Variants in EVC2 observed in about 807,000 individuals in gnomAD.
EVC2 encodes limbin.
Under a neutral mutation model 149.3 loss-of-function variants are expected in EVC2, and 148 were observed. The observed-to-expected ratio is 0.99, with a 90% CI of 0.87 to 1.14. EVC2 has a LOEUF of 1.14. EVC2 is among the 50% of genes most tolerant of loss of function. EVC2 has a pLI of 0.00. For synonymous variants in EVC2, 776 were observed against 649.9 expected (o/e 1.19, Z -2.95); for missense variants, 1,854 against 1,627.3 (o/e 1.14, Z -2.40).
chr4:5,649,864 T>C (rs1048693298), intron 9 of EVC2, among the ~76,000 whole-genome samples: 1 of 137,454 alleles, frequency 7.3e-6, no homozygotes, highest in Non-Finnish European at 1.6e-5. Flanking sequence ...AAACTATCCA[T>C]TTGAAGGCAT....
At chr4:5,626,898 C>T (rs1716160634) in intron 12 of EVC2, among the ~76,000 whole-genome samples, 1 of 152,150 alleles carries the variant, frequency 6.6e-6, no homozygotes, top group South Asian at 2.1e-4. Flanking sequence ...GGTTCTCAGG[C>T]CTTCAGATTT....
In EVC2 at chr4:5,670,800, C is replaced by T. The variant is rs916220629; in HGVS notation, c.871-5151G>A. ...TCATTATCACCATCACCACCATGACCACCACCACCATTACCATAGCCACCA... is the reference window on the plus strand; with the variant it reads ...TCATTATCACCATCACCACCATGACTACCACCACCATTACCATAGCCACCA... On this transcript the variant is annotated intron_variant, in intron 7 of 21. Coordinates refer to ENST00000344408, the MANE Select transcript of EVC2 (RefSeq NM_147127.5). The surrounding 1 kb of genome is among the most constrained non-coding windows in gnomAD (Gnocchi z 5.2). Among the ~76,000 whole-genome samples, 9 of 152,028 alleles carry T rather than the reference C, an allele frequency of 5.9e-5. No individual in the cohort carries two copies. The highest frequency in any genetic ancestry group is 5.2e-4 in the Admixed American group (8 of 15,260).
At chr4:5,684,658 G>A (rs958113883) in intron 6 of EVC2, among the ~76,000 whole-genome samples, 6 of 152,242 alleles carry the variant, frequency 3.9e-5, no homozygotes, top group Admixed American at 1.3e-4. Context: ...GGCAGTGAGA[G>A]ATGGGGAGAC....
chr4:5,580,918 T>C (rs1161005699), intron 17 of EVC2, among the ~76,000 whole-genome samples: 4 of 152,128 alleles, frequency 2.6e-5, no homozygotes, highest in Admixed American at 2.6e-4. Flanking sequence ...GTTGATCTTA[T>C]GATAGTGAGT....
intron 16 of EVC2, among the ~76,000 whole-genome samples, chr4:5,601,995 C>G (rs1433682056): frequency 6.6e-6 from 1 of 152,102 alleles, no homozygotes; most frequent in African/African-American, 2.4e-5. Context: ...ATTAATAAAG[C>G]TGGGCATGGT....
In EVC2 at chr4:5,645,940, T is replaced by C. The variant is rs912121342; in HGVS notation, c.1146-5102A>G. ...CCAACACCTGTTTATTTTTTTATTT[T>C]TTCAGACAGAATCTCGCTCTTGTTG... On this transcript the variant is annotated intron_variant, in intron 9 of 21. Transcript: ENST00000344408. Among the ~76,000 whole-genome samples, 5 of 152,182 alleles carry C rather than the reference T, an allele frequency of 3.3e-5. 1 individual carries two copies. The East Asian group carries it at 7.7e-4, about 23-fold the overall frequency.
At chr4:5,702,499 TCCTC>T (rs1721890480) in intron 1 of EVC2, among the ~76,000 whole-genome samples, 4 of 152,146 alleles carry the variant, frequency 2.6e-5, no homozygotes, top group African/African-American at 7.2e-5. Flanking sequence ...CTCCACTGCC[TCCTC>T]CCCTTCTGAT....
intron 9 of EVC2, among the ~76,000 whole-genome samples, chr4:5,655,779 A>T (rs1718482310): frequency 7.4e-6 from 1 of 134,968 alleles, no homozygotes; most frequent in East Asian, 2.5e-4. Context: ...GGGAGGGAAG[A>T]AGAGAGGGAG....
In EVC2 at chr4:5,568,504, T is replaced by G; in HGVS notation, c.3497A>C (p.His1166Pro). 1 of 1,588,118 alleles carries G rather than the reference T, an allele frequency of 6.3e-7. No individual in the cohort carries two copies. The highest frequency in any genetic ancestry group is 8.5e-7 in the Non-Finnish European group (1 of 1,173,684). ...LALLDSATER[H>P]VDHAAESDGG... is the part of the protein sequence containing the mutation. ...ATCGCTCTCAGCTGCGTGGTCCACATGTCTCTCGGTGGCCGAATCCAGCAG... is the reference window on the plus strand; with the variant it reads ...ATCGCTCTCAGCTGCGTGGTCCACAGGTCTCTCGGTGGCCGAATCCAGCAG... Residue 1166 changes from histidine (H) to proline (P), a missense_variant, in exon 20 of 22, where the codon CAT (histidine) becomes CCT (proline). Physicochemically the swap from His to Pro is moderately conservative, Grantham distance 77. Transcript: ENST00000344408.
chr4:5,563,205 T>G, intron 21 of EVC2, 90 bp from the exon 22 acceptor site: 1 of 1,286,058 alleles, frequency 7.8e-7, no homozygotes, highest in Non-Finnish European at 1.1e-6. Context: ...CCTCCTTGGG[T>G]CCTGAATTCC....
chr4:5,665,497 C>T lies in EVC2; in HGVS notation c.1005+18G>A. On this transcript the variant is annotated intron_variant, in intron 8 of 21. Transcript: ENST00000344408. ...CTCACATTCACCACCTTCCAAACCA[C>T]CCTCAGGGAAGACTCACCCGATGTC... 3.1e-6 allele frequency: 5 copies of T among 1,613,978 alleles called. No individual in the cohort carries two copies. The highest frequency in any genetic ancestry group is 4.2e-6 in the Non-Finnish European group (5 of 1,179,982).
At chr4:5,575,324 T>C (rs1722859889) in intron 18 of EVC2, among the ~76,000 whole-genome samples, 2 of 152,190 alleles carry the variant, frequency 1.3e-5, no homozygotes, top group African/African-American at 4.8e-5. Flanking sequence ...AATCAAAAGT[T>C]TGAACACAAG....
chr4:5,708,451 C>G lies in EVC2; in HGVS notation c.63G>C (p.Val21=). ...AGCCTCGGCCCCCCAGCGCCAGGGC[C>G]ACTGCCAGGAGACCCCCGGCCAGCA... ...TWVLAGGLLA[V]ALALGGRGCL... is the part of the protein sequence containing the mutation. Residue 21 remains valine (V), a synonymous_variant, in exon 1 of 22, where the codon GTG becomes GTC. Coordinates refer to ENST00000344408, the MANE Select transcript of EVC2 (RefSeq NM_147127.5). The G allele has an allele frequency of 6.6e-7, 1 of 1,507,150 alleles. No homozygotes were observed. The highest frequency in any genetic ancestry group is 2.7e-5 in the East Asian group (1 of 37,166). The allele number at this position is 1,507,150 out of a possible 1,614,324, so 93.4% of individuals were successfully genotyped here. A position where few individuals can be genotyped will look rare whatever the true frequency, so the allele number is the denominator to read the frequency against.
chr4:5,609,359 C>G (rs1031335250), intron 16 of EVC2, among the ~76,000 whole-genome samples: 3 of 152,170 alleles, frequency 2.0e-5, no homozygotes, highest in African/African-American at 7.2e-5. Context: ...AATAAAACAT[C>G]TGAACAACCG....
chr4:5,703,950 G>A (rs1040180817), intron 1 of EVC2, among the ~76,000 whole-genome samples: 26 of 152,128 alleles, frequency 1.7e-4, no homozygotes, highest in African/African-American at 5.3e-4. Flanking sequence ...CATTAGTTCA[G>A]GCAGAGGAAA....
At chr4:5,574,485 G>A (rs540912655) in intron 19 of EVC2, among the ~76,000 whole-genome samples, 200 bp downstream of exon 19, 10 of 152,210 alleles carry the variant, frequency 6.6e-5, no homozygotes, top group African/African-American at 1.2e-4. Context: ...TGTGATTATG[G>A]TTGCGGTTGC....
chr4:5,636,588 T>A lies in EVC2; in HGVS notation c.1470+3926A>T, dbSNP rs148113354. On this transcript the variant is annotated intron_variant, in intron 10 of 21. Coordinates refer to ENST00000344408, the MANE Select transcript of EVC2 (RefSeq NM_147127.5). This position sits in a 1 kb window ranked among gnomAD's most constrained non-coding sequence, Gnocchi z 4.6. ...TATACAGGAGCATTTGTGTAGGTTA[T>A]GTGCAAATACGACACCATTTTATAA... Among the ~76,000 whole-genome samples, 2 of 152,326 alleles carry A rather than the reference T, an allele frequency of 1.3e-5. No homozygotes were observed. The highest frequency in any genetic ancestry group is 2.9e-5 in the Non-Finnish European group (2 of 68,032).
At position 5,686,096 on chromosome 4, in the gene EVC2, ACAC is replaced by A. The variant is rs1560224711; in HGVS notation, c.707-620_707-618del. 1.3e-4 allele frequency among the ~76,000 whole-genome samples: 7 copies of A among 54,482 alleles called. 1 individual carries two copies. Among genetic ancestry groups the A allele is most frequent in the East Asian group, 2.7e-3 (2 of 750 alleles). 35.7% of individuals were successfully genotyped at this position (54,482 alleles called of 152,430 possible). A position where few individuals can be genotyped will look rare whatever the true frequency, so the allele number is the denominator to read the frequency against. On this transcript the variant is annotated intron_variant, in intron 5 of 21. Coordinates refer to ENST00000344408, the MANE Select transcript of EVC2 (RefSeq NM_147127.5). The surrounding 1 kb of genome is among the most constrained non-coding windows in gnomAD (Gnocchi z 5.4). ...ACATATATACACACACATATATATT[ACAC>A]ACACACACACACACACACACACACA...
At position 5,685,493 on chromosome 4, in the gene EVC2, A is replaced by G; in HGVS notation, c.707-14T>C. 1 of 1,612,820 alleles carries G rather than the reference A, an allele frequency of 6.2e-7. No homozygotes were observed. The highest frequency in any genetic ancestry group is 8.5e-7 in the Non-Finnish European group (1 of 1,178,972). On this transcript the variant is annotated splice_polypyrimidine_tract_variant and intron_variant, in intron 5 of 21. Coordinates refer to ENST00000344408, the MANE Select transcript of EVC2 (RefSeq NM_147127.5). ...AGGCATCTCCCACTGCGCAGAGAAA[A>G]GCACATGTGACTCAGGGAGGGCTTG...
Sources: gnomAD v4.1 joint callset for allele counts (sites outside exome capture counted in the v4.1 genomes callset) on GRCh38, gnomAD v4.1.1 for gene constraint, Gnocchi (gnomAD v3.1) non-coding constraint, MANE v1.5 for transcripts, NCBI Gene and HGNC (gene_info 2026-07-23, HGNC 2026-07-21) for gene names.